Variants in ZNF385D observed in about 807,000 individuals in gnomAD.
ZNF385D encodes the protein zinc finger protein 659.
Under a neutral mutation model 35.8 loss-of-function variants are expected in ZNF385D, and 15 were observed. The ratio of observed to expected loss-of-function variants is 0.42; its 90% CI spans 0.28 to 0.64. The LOEUF is 0.64. ZNF385D is among the 30% of genes least tolerant of loss of function. The pLI, the probability that ZNF385D is intolerant of heterozygous loss-of-function variation, is 0.23. For synonymous variants in ZNF385D, 212 were observed against 186.8 expected (o/e 1.13, Z -1.10); for missense variants, 474 against 494.6 (o/e 0.96, Z 0.39).
intron 3 of ZNF385D, among the ~76,000 whole-genome samples, chr3:21,824,735 G>GA (rs941575727): frequency 1.3e-5 from 2 of 151,754 alleles, no homozygotes; most frequent in South Asian, 2.1e-4. Flanking sequence ...GTTCCAGTAT[G>GA]AAAAAAAATT....
chr3:21,728,546 A>G (rs1217333740), intron 1 of ZNF385D, among the ~76,000 whole-genome samples: 2 of 152,214 alleles, frequency 1.3e-5, no homozygotes, highest in Non-Finnish European at 2.9e-5. Context: ...GTGATGATCA[A>G]ATAAGCAATA....
chr3:21,655,250 A>T (rs1390648411), intron 2 of ZNF385D, among the ~76,000 whole-genome samples: 2 of 152,018 alleles, frequency 1.3e-5, no homozygotes, highest in Non-Finnish European at 2.9e-5. Context: ...GGTCAATATG[A>T]TTATTCTAGT....
chr3:21,853,598 G>A (rs1394319141), intron 3 of ZNF385D, among the ~76,000 whole-genome samples: 1 of 148,740 alleles, frequency 6.7e-6, no homozygotes, highest in Non-Finnish European at 1.5e-5. Flanking sequence ...AAGTGGACCC[G>A]AACAAAAGGG....
intron 3 of ZNF385D, among the ~76,000 whole-genome samples, chr3:22,141,686 T>C (rs561893636): frequency 1.3e-5 from 2 of 151,460 alleles, no homozygotes; most frequent in Admixed American, 6.6e-5. Flanking sequence ...AGGAGGAGGG[T>C]AGCACATCAA....
intron 2 of ZNF385D, among the ~76,000 whole-genome samples, chr3:22,257,864 A>T (rs1367197554): frequency 6.6e-6 from 1 of 151,892 alleles, no homozygotes; most frequent in Non-Finnish European, 1.5e-5. Context: ...ACAATTTTGT[A>T]TCAAGTTATT....
In ZNF385D at chr3:21,815,294, C is replaced by G. The variant is rs1164249394; in HGVS notation, c.326-150266G>C. On this transcript the variant is annotated intron_variant, in intron 3 of 5. Transcript: ENST00000494108. ...AAAGAACTAGAGAAGCAAGAGCAAA[C>G]AGATTCAAAAGCTAGCAGAAGGCAA... is the stretch of plus-strand genomic sequence containing the variant. 5.9e-5 allele frequency among the ~76,000 whole-genome samples: 9 copies of G among 152,212 alleles called. 1 individual carries two copies. Among genetic ancestry groups the G allele is most frequent in the Middle Eastern group, 3.4e-3 (1 of 294 alleles).
In ZNF385D at chr3:21,819,614, ATATG is replaced by A. The variant is rs988933638; in HGVS notation, c.326-154590_326-154587del. ...CTACATATGTGTGTATATATGTTATATATGTATGTATTATATAATTATATATTCT... is the reference window on the plus strand; with the variant it reads ...CTACATATGTGTGTATATATGTTATATATGTATTATATAATTATATATTCT... On this transcript the variant is annotated intron_variant, in intron 3 of 5. Transcript: ENST00000494108. 3.4e-3 allele frequency among the ~76,000 whole-genome samples: 494 copies of A among 145,684 alleles called. 2 individuals are homozygous for A. The highest frequency in any genetic ancestry group is 5.5e-3 in the Non-Finnish European group (368 of 66,722).
chr3:21,765,219 A>T (rs9871502), intron 3 of ZNF385D, among the ~76,000 whole-genome samples: 43,549 of 146,448 alleles, frequency 0.3, 6,284 homozygotes, highest in Middle Eastern at 0.43. Context: ...TGTGTGTGTG[A>T]GAGAGAGAGA....
At chr3:22,111,030 T>C (rs544603641) in intron 3 of ZNF385D, among the ~76,000 whole-genome samples, 10 of 152,116 alleles carry the variant, frequency 6.6e-5, no homozygotes, top group African/African-American at 1.7e-4. Context: ...TCTAGTGTCA[T>C]TGTTAAAGGC....
rs140297563 is a variant in ZNF385D, at chr3:21,423,218, G to C, written c.954+745C>G. On this transcript the variant is annotated intron_variant, in intron 7 of 7. Transcript: ENST00000281523. ...TAAACTAACAGGACAGCTTGTACTG[G>C]GGTCTCATAATAGATAATTGCAGTT... Among the ~76,000 whole-genome samples the C allele has an allele frequency of 5.9e-5, 9 of 152,226 alleles. No individual in the cohort carries two copies. The East Asian group carries it at 1.7e-3, about 29-fold the overall frequency.
At chr3:22,300,691 T>C (rs1432441064) in intron 2 of ZNF385D, among the ~76,000 whole-genome samples, 2 of 152,002 alleles carry the variant, frequency 1.3e-5, no homozygotes, top group Non-Finnish European at 2.9e-5. Context: ...TTAAAAACGT[T>C]CAATATCACT....
At chr3:22,159,862 T>G (rs550071031) in intron 3 of ZNF385D, among the ~76,000 whole-genome samples, 1 of 152,180 alleles carries the variant, frequency 6.6e-6, no homozygotes, top group East Asian at 1.9e-4. Flanking sequence ...ATATGGTCGG[T>G]AAGAGAAAAG....
At chr3:21,583,990 T>TTTATTTA (rs1559431687) in intron 2 of ZNF385D, among the ~76,000 whole-genome samples, 20 of 45,502 alleles carry the variant, frequency 4.4e-4, no homozygotes, top group South Asian at 2.0e-3. Context: ...TTATTTATTT[T>TTTATTTA]TTGAGACAGA....
intron 3 of ZNF385D, among the ~76,000 whole-genome samples, chr3:21,972,443 G>T (rs919346610): frequency 3.3e-5 from 5 of 151,918 alleles, no homozygotes; most frequent in Non-Finnish European, 7.4e-5. Flanking sequence ...GCAGTACTAA[G>T]AGGAAAGTTT....
At chr3:22,007,804 T>C (rs1696310923) in intron 3 of ZNF385D, among the ~76,000 whole-genome samples, 1 of 141,096 alleles carries the variant, frequency 7.1e-6, no homozygotes, top group South Asian at 2.5e-4. Context: ...ATGATATATA[T>C]ATTATTTTTT....
chr3:21,674,965 C>A (rs2066680610), intron 1 of ZNF385D, among the ~76,000 whole-genome samples: 1 of 151,716 alleles, frequency 6.6e-6, no homozygotes, highest in South Asian at 2.1e-4. Flanking sequence ...AATGAGTGAG[C>A]AAACAAATGA....
chr3:21,795,866 T>A (rs1436860585), intron 3 of ZNF385D, among the ~76,000 whole-genome samples: 1 of 152,210 alleles, frequency 6.6e-6, no homozygotes, highest in Non-Finnish European at 1.5e-5. Context: ...ACAGAAAATA[T>A]GATTTTTAAC....
chr3:21,940,014 C>G (rs1319254527), intron 3 of ZNF385D, among the ~76,000 whole-genome samples: 5 of 152,158 alleles, frequency 3.3e-5, no homozygotes, highest in African/African-American at 1.2e-4. Flanking sequence ...AAAGTTAGAG[C>G]TAAATGAATT....
chr3:22,073,420 T>G (rs1055204641), intron 3 of ZNF385D, among the ~76,000 whole-genome samples: 1 of 151,880 alleles, frequency 6.6e-6, no homozygotes, highest in Non-Finnish European at 1.5e-5. Context: ...CCATATTTAT[T>G]GCTTTATTCC....
Sources: gnomAD v4.1 joint callset for allele counts (sites outside exome capture counted in the v4.1 genomes callset) on GRCh38, gnomAD v4.1.1 for gene constraint, MANE v1.5 for transcripts, NCBI Gene and HGNC (gene_info 2026-07-23, HGNC 2026-07-21) for gene names.